GRID2: variants seen among roughly 807,000 people sequenced by gnomAD.
GRID2 encodes the protein glutamate receptor ionotropic, delta-2.
GRID2 carries 33 observed loss-of-function variants against 114.8 expected under a neutral mutation model. That is an observed-to-expected ratio of 0.29 (90% CI 0.22 to 0.38). The LOEUF is 0.38. GRID2 is among the 10% of genes least tolerant of loss of function. GRID2 has a pLI of 1.00. For missense variants in GRID2, 1,184 were observed against 1,257.7 expected, an observed-to-expected ratio of 0.94 and a Z score of 0.89; for synonymous variants, 505 against 449.9, an observed-to-expected ratio of 1.12 and a Z score of -1.55.
chr4:93,402,603 G>A (rs148635529), intron 9 of GRID2, among the ~76,000 whole-genome samples: 46 of 152,008 alleles, frequency 3.0e-4, no homozygotes, highest in Middle Eastern at 3.4e-3. Context: ...TTTAGGCCCC[G>A]TCACTGTTAC....
intron 2 of GRID2, among the ~76,000 whole-genome samples, chr4:93,079,759 G>A (rs1189254460): frequency 2.0e-5 from 3 of 151,986 alleles, no homozygotes; most frequent in East Asian, 1.9e-4. Flanking sequence ...ATTCTTCTCA[G>A]GTTTGGATCA....
chr4:92,406,719 G>A (rs1447406805), intron 1 of GRID2, among the ~76,000 whole-genome samples: 1 of 150,640 alleles, frequency 6.6e-6, no homozygotes, highest in Non-Finnish European at 1.5e-5. Flanking sequence ...GCTCCATCTA[G>A]TGATGCCCAG....
At position 93,283,631 on chromosome 4, in the gene GRID2, C is replaced by A. The variant is rs1272005844; in HGVS notation, c.1245+45141C>A. On this transcript the variant is annotated intron_variant, in intron 8 of 15. Coordinates refer to ENST00000282020, the MANE Select transcript of GRID2 (RefSeq NM_001510.4). ...CTTATTGTCCCAGGAAATTGGCACACTGACCCTGAGTAGTCGGGGCTCTAG... is the reference window on the plus strand; with the variant it reads ...CTTATTGTCCCAGGAAATTGGCACAATGACCCTGAGTAGTCGGGGCTCTAG... Among the ~76,000 whole-genome samples, 4 of 152,180 alleles carry A rather than the reference C, an allele frequency of 2.6e-5. No individual in the cohort carries two copies. The East Asian group carries it at 7.7e-4, about 29-fold the overall frequency.
chr4:93,067,343 G>T (rs1034479854), intron 2 of GRID2, among the ~76,000 whole-genome samples: 1 of 151,996 alleles, frequency 6.6e-6, no homozygotes, highest in Non-Finnish European at 1.5e-5. Context: ...ATAAACAAAA[G>T]AAATGTACCT....
intron 13 of GRID2, among the ~76,000 whole-genome samples, chr4:93,567,657 AT>A (rs1260241425): frequency 6.6e-6 from 1 of 152,146 alleles, no homozygotes; most frequent in African/African-American, 2.4e-5. Flanking sequence ...TAACAGACAT[AT>A]TTTCACTTGC....
At chr4:93,611,877 T>A (rs963416880) in intron 13 of GRID2, among the ~76,000 whole-genome samples, 8 of 151,848 alleles carry the variant, frequency 5.3e-5, no homozygotes, top group African/African-American at 1.7e-4. Flanking sequence ...CCTTGTTGAC[T>A]TTCTGTCTCA....
At chr4:92,566,096 A>G (rs537600198) in intron 1 of GRID2, among the ~76,000 whole-genome samples, 1 of 152,128 alleles carries the variant, frequency 6.6e-6, no homozygotes, top group South Asian at 2.1e-4. Flanking sequence ...AGAGGTTTCA[A>G]TAAACTATGT....
intron 8 of GRID2, among the ~76,000 whole-genome samples, chr4:93,326,832 G>A (rs1036827401): frequency 1.3e-5 from 2 of 152,074 alleles, no homozygotes; most frequent in African/African-American, 4.8e-5. Flanking sequence ...CAGATTTTCT[G>A]AAATCCCTTT....
At chr4:92,863,475 T>C (rs1744662934) in intron 2 of GRID2, among the ~76,000 whole-genome samples, 1 of 152,140 alleles carries the variant, frequency 6.6e-6, no homozygotes, top group Non-Finnish European at 1.5e-5. Context: ...TATCAATAAA[T>C]GACAACGGAA....
chr4:92,802,175 G>C (rs561288006), intron 2 of GRID2, among the ~76,000 whole-genome samples: 1 of 151,862 alleles, frequency 6.6e-6, no homozygotes, highest in East Asian at 2.0e-4. Context: ...ACATTGACTA[G>C]AAGGCACAGA....
intron 14 of GRID2, among the ~76,000 whole-genome samples, chr4:93,750,497 C>T (rs917299144): frequency 7.3e-5 from 11 of 151,502 alleles, no homozygotes; most frequent in Admixed American, 1.3e-4. Context: ...TGGCCAGGCG[C>T]GGTGGCTCAC....
chr4:92,698,843 AGTG>A (rs1282289318), intron 2 of GRID2, among the ~76,000 whole-genome samples: 14 of 152,120 alleles, frequency 9.2e-5, no homozygotes, highest in Admixed American at 5.2e-4. Context: ...AAAGACAAAA[AGTG>A]AATATTGTCC....
intron 4 of GRID2, among the ~76,000 whole-genome samples, chr4:93,189,773 CCACA>C (rs34137840): frequency 0.061 from 8,521 of 138,786 alleles, 312 homozygotes; most frequent in African/African-American, 0.097. Flanking sequence ...CCACACCACA[CCACA>C]CACACACACA....
chr4:92,438,149 A>C (rs954675466), intron 1 of GRID2, among the ~76,000 whole-genome samples: 2 of 152,232 alleles, frequency 1.3e-5, no homozygotes, highest in African/African-American at 4.8e-5. Flanking sequence ...CAGAAATAAC[A>C]TAAAAATGTA....
At chr4:92,537,730 A>G (rs1378736145) in intron 1 of GRID2, among the ~76,000 whole-genome samples, 1 of 151,894 alleles carries the variant, frequency 6.6e-6, no homozygotes, top group Non-Finnish European at 1.5e-5. Context: ...CCCTTTTCAA[A>G]GACATTCCTG....
rs535338657 is a variant in GRID2, at chr4:92,931,376, T to C, written c.245-153619T>C. Among the ~76,000 whole-genome samples, 3 of 151,142 alleles carry C rather than the reference T, an allele frequency of 2.0e-5. No individual in the cohort carries two copies. The South Asian group carries it at 6.2e-4, about 31-fold the overall frequency. On this transcript the variant is annotated intron_variant, in intron 2 of 15. Coordinates refer to ENST00000282020, the MANE Select transcript of GRID2 (RefSeq NM_001510.4). ...AAAACCTTACAGCTAGCTAATTTAT[T>C]GTTACAGATGAATCACTGAATACTT...
rs572578035 is a variant in GRID2 at position 93,164,526 on chromosome 4, A to G, written c.736-42878A>G. 1.1e-4 allele frequency among the ~76,000 whole-genome samples: 17 copies of G among 152,226 alleles called. No individual in the cohort carries two copies. In the South Asian group the frequency reaches 1.7e-3, roughly 15 times the overall value. ...ACAAAACCAGGACCTTTAAAAATTT[A>G]TGCTTCTCTGATTTTTGTCCTTCCA... On this transcript the variant is annotated intron_variant, in intron 4 of 15. Coordinates refer to ENST00000282020, the MANE Select transcript of GRID2 (RefSeq NM_001510.4).
chr4:93,202,139 G>C (rs1742174335), intron 4 of GRID2, among the ~76,000 whole-genome samples: 2 of 152,114 alleles, frequency 1.3e-5, no homozygotes, highest in African/African-American at 4.8e-5. Flanking sequence ...CCAAGGGAAA[G>C]CCATACCTCA....
intron 2 of GRID2, among the ~76,000 whole-genome samples, chr4:92,780,217 A>C (rs927001277): frequency 6.6e-5 from 10 of 152,142 alleles, no homozygotes; most frequent in African/African-American, 2.4e-4. Context: ...CCTATTGGTC[A>C]GATTACTTTA....
Sources: allele counts gnomAD v4.1 joint callset (sites outside exome capture counted in the v4.1 genomes callset), GRCh38; gene constraint gnomAD v4.1.1; transcripts MANE v1.5; gene names NCBI Gene and HGNC (gene_info 2026-07-23, HGNC 2026-07-21).